PSMA8: variants seen among roughly 807,000 people sequenced by gnomAD.
PSMA8 encodes the protein proteasome subunit alpha-type 8.
Under a neutral mutation model 32.4 loss-of-function variants are expected in PSMA8, and 18 were observed. The ratio of observed to expected loss-of-function variants is 0.56; its 90% CI spans 0.38 to 0.82. The LOEUF (loss-of-function observed/expected upper bound fraction) is 0.82, where lower values mean the gene tolerates loss of function less well. Ranked by LOEUF, PSMA8 falls within the 40% of genes least tolerant of loss-of-function variation. The pLI, the probability that PSMA8 is intolerant of heterozygous loss-of-function variation, is 0.00. For missense variants in PSMA8, 298 were observed against 300.7 expected, an observed-to-expected ratio of 0.99 and a Z score of 0.07; for synonymous variants, 104 against 98.1, an observed-to-expected ratio of 1.06 and a Z score of -0.36.
chr18:26,189,950 G>C (rs1310758694), intron 6 of PSMA8, among the ~76,000 whole-genome samples: 1 of 152,178 alleles, frequency 6.6e-6, no homozygotes, highest in African/African-American at 2.4e-5. Context: ...ACACAATGAA[G>C]TACTGTTCTG....
chr18:26,146,916 G>A (rs2055007795), intron 2 of PSMA8, among the ~76,000 whole-genome samples: 1 of 152,118 alleles, frequency 6.6e-6, no homozygotes, highest in African/African-American at 2.4e-5. Flanking sequence ...CTGCTTTTGG[G>A]CGGCCTCAGT....
intron 4 of PSMA8, among the ~76,000 whole-genome samples, chr18:26,158,839 A>G (rs957369126): frequency 3.9e-5 from 6 of 152,166 alleles, no homozygotes; most frequent in African/African-American, 1.2e-4. Context: ...CAGGCACGGT[A>G]GTACACACCC....
chr18:26,164,394 A>G (rs1199763109), intron 4 of PSMA8, among the ~76,000 whole-genome samples: 3 of 152,280 alleles, frequency 2.0e-5, no homozygotes, highest in African/African-American at 4.8e-5. Flanking sequence ...GTGGTGCCAC[A>G]TATTACTTGT....
intron 2 of PSMA8, among the ~76,000 whole-genome samples, chr18:26,151,624 T>G (rs999914983): frequency 2.0e-5 from 3 of 152,228 alleles, no homozygotes; most frequent in African/African-American, 7.2e-5. Context: ...GTTTAAACTA[T>G]TATTCTTTAA....
chr18:26,184,505 G>T (rs1345414065), intron 6 of PSMA8, among the ~76,000 whole-genome samples: 1 of 150,252 alleles, frequency 6.7e-6, no homozygotes, highest in Non-Finnish European at 1.5e-5. Flanking sequence ...GGGCGCGGTG[G>T]CTCACGCTTG....
chr18:26,134,772 T>A (rs985330367), intron 1 of PSMA8, among the ~76,000 whole-genome samples: 2 of 152,058 alleles, frequency 1.3e-5, no homozygotes, highest in African/African-American at 4.8e-5. Flanking sequence ...CTGACCAACA[T>A]GGAGAAACTC....
intron 6 of PSMA8, among the ~76,000 whole-genome samples, chr18:26,181,303 A>G (rs1204799740): frequency 6.6e-6 from 1 of 152,208 alleles, no homozygotes; most frequent in Non-Finnish European, 1.5e-5. Flanking sequence ...AACTGCATCC[A>G]TATAAAAAAC....
At chr18:26,179,843 G>A (rs750000141) in intron 6 of PSMA8, among the ~76,000 whole-genome samples, 22 of 151,588 alleles carry the variant, frequency 1.5e-4, no homozygotes, top group Non-Finnish European at 2.1e-4. Flanking sequence ...CCAGCTACTC[G>A]AGAGACTGAG....
intron 1 of PSMA8, 152 bp downstream of exon 1, chr18:26,134,219 CAG>C: frequency 1.6e-6 from 1 of 616,582 alleles, no homozygotes; most frequent in Non-Finnish European, 2.9e-6. Context: ...TTTAGGGAGA[CAG>C]ACTTCTAGAT....
At position 26,188,158 on chromosome 18, in the gene PSMA8, G is replaced by A. The variant is rs2055371718; in HGVS notation, c.661-4161G>A. On this transcript the variant is annotated intron_variant, in intron 6 of 6. Transcript: ENST00000415576. ...AATTTTGGAAACTATACGAATACAT[G>A]GAAATTAAACAATATGCTCCTGAAT... Among the ~76,000 whole-genome samples the A allele has an allele frequency of 2.0e-5, 3 of 151,708 alleles. No individual in the cohort carries two copies. The South Asian group carries it at 6.2e-4, about 32-fold the overall frequency.
At chr18:26,160,521 G>A (rs762488665) in intron 4 of PSMA8, among the ~76,000 whole-genome samples, 1 of 152,148 alleles carries the variant, frequency 6.6e-6, no homozygotes, top group African/African-American at 2.4e-5. Flanking sequence ...TAACATTTTA[G>A]CTATGAGATC....
chr18:26,176,764 C>A (rs982056108), intron 4 of PSMA8, among the ~76,000 whole-genome samples: 3 of 151,950 alleles, frequency 2.0e-5, no homozygotes, highest in Non-Finnish European at 4.4e-5. Flanking sequence ...GAAACCCCAT[C>A]TCTACTAAAA....
chr18:26,140,212 G>A (rs2054944251), intron 1 of PSMA8: 1 of 695,244 alleles, frequency 1.4e-6, no homozygotes, highest in Admixed American at 2.0e-5. Context: ...TGGCAGGCTG[G>A]CGTGATGCCT....
At chr18:26,174,539 T>C (rs2055249455) in intron 4 of PSMA8, among the ~76,000 whole-genome samples, 1 of 152,222 alleles carries the variant, frequency 6.6e-6, no homozygotes, top group South Asian at 2.1e-4. Context: ...ATGCTGTGCA[T>C]TGAAGTGGTT....
intron 6 of PSMA8, among the ~76,000 whole-genome samples, chr18:26,190,960 G>A (rs1361544773): frequency 6.6e-6 from 1 of 152,048 alleles, no homozygotes; most frequent in Admixed American, 6.6e-5. Flanking sequence ...TGCTTGATGG[G>A]TAAATTCATT....
intron 6 of PSMA8, among the ~76,000 whole-genome samples, chr18:26,186,089 A>G (rs1038019925): frequency 6.7e-6 from 1 of 148,780 alleles, no homozygotes; most frequent in African/African-American, 2.5e-5. Context: ...AAATACACAC[A>G]CAAAAAAAAA....
At chr18:26,140,413 G>A (rs1422695045) in intron 1 of PSMA8, among the ~76,000 whole-genome samples, 1 of 152,218 alleles carries the variant, frequency 6.6e-6, no homozygotes, top group East Asian at 1.9e-4. Flanking sequence ...CTGTGTTGCT[G>A]GGCCTTGAAG....
intron 6 of PSMA8, among the ~76,000 whole-genome samples, chr18:26,188,804 A>G (rs2055377686): frequency 6.6e-6 from 1 of 152,182 alleles, no homozygotes; most frequent in Admixed American, 6.5e-5. Context: ...GAATGAAACT[A>G]AACCCCTATC....
At chr18:26,146,770 A>T (rs570051096) in intron 2 of PSMA8, among the ~76,000 whole-genome samples, 1 of 152,310 alleles carries the variant, frequency 6.6e-6, no homozygotes, top group African/African-American at 2.4e-5. Context: ...GTATCAGTCC[A>T]TTCTTGCATT....
Sources: allele counts gnomAD v4.1 joint callset (sites outside exome capture counted in the v4.1 genomes callset), GRCh38; gene constraint gnomAD v4.1.1; transcripts MANE v1.5; gene names NCBI Gene and HGNC (gene_info 2026-07-23, HGNC 2026-07-21).